IL1RAPL2: variants seen among roughly 807,000 people sequenced by gnomAD.
IL1RAPL2 encodes the protein X-linked interleukin-1 receptor accessory protein-like 2.
A neutral mutation model predicts 44.1 loss-of-function variants in IL1RAPL2; 3 were observed. That is an observed-to-expected ratio of 0.07 (90% confidence interval 0.03 to 0.18). The LOEUF is 0.18. Ranked by LOEUF, IL1RAPL2 falls within the 10% of genes least tolerant of loss-of-function variation. The pLI, the probability that IL1RAPL2 is intolerant of heterozygous loss-of-function variation, is 1.00. For missense variants in IL1RAPL2, 391 were observed against 496.4 expected (o/e 0.79, Z 2.02); for synonymous variants, 181 against 178.8 (o/e 1.01, Z -0.10).
intron 10 of IL1RAPL2, among the ~76,000 whole-genome samples, chrX:105,759,172 C>T (rs1190853943): frequency 8.9e-6 from 1 of 112,193 alleles, no homozygotes; most frequent in African/African-American, 3.2e-5. Context: ...GTTATTGAAT[C>T]AGGCTGAGGG....
Position 104,658,957 on chromosome X carries a change from T to C in IL1RAPL2, c.44T>C (p.Val15Ala), listed in dbSNP as rs1203023158. Residue 15 changes from valine (V) to alanine (A), a missense_variant, in exon 2 of 11, where the codon GTC (valine) becomes GCC (alanine). By Grantham distance (64) the Val-to-Ala change is moderately conservative. Transcript: ENST00000372582. ...TTGGCCCTTGTGGTCTGTTCTGTAG[T>C]CAGCACAAATCTGAAGATGGTGTCA... ...FLLALVVCSV[V>A]STNLKMVSKR... The C allele has an allele frequency of 8.3e-7, 1 of 1,204,782 alleles. No homozygotes were observed. Among genetic ancestry groups the C allele is most frequent in the African/African-American group, 1.8e-5 (1 of 57,065 alleles).
chrX:105,169,462 T>C (rs1339527731), intron 2 of IL1RAPL2, among the ~76,000 whole-genome samples: 3 of 105,539 alleles, frequency 2.8e-5, no homozygotes, highest in African/African-American at 1.1e-4. Context: ...TAAAGCACTT[T>C]TGGTTGAGAA....
chrX:105,708,760 C>T lies in IL1RAPL2; in HGVS notation c.773-8607C>T, dbSNP rs890882059. On this transcript the variant is annotated intron_variant, in intron 6 of 10. Coordinates refer to ENST00000372582, the MANE Select transcript of IL1RAPL2 (RefSeq NM_017416.2). ...TAACTTTTGAAACAAATGAAAATAA[C>T]AACTTTAAATATGAATTTAATATGG... Among the ~76,000 whole-genome samples, 5 of 111,619 alleles carry T rather than the reference C, an allele frequency of 4.5e-5. No individual in the cohort carries two copies. The East Asian group carries it at 1.4e-3, about 32-fold the overall frequency.
At chrX:105,471,965 C>G (rs2036168387) in intron 5 of IL1RAPL2, among the ~76,000 whole-genome samples, 1 of 110,194 alleles carries the variant, frequency 9.1e-6, no homozygotes, top group Non-Finnish European at 1.9e-5. Context: ...AAGCTCAGAG[C>G]AGTTTTCACA....
chrX:104,914,688 G>T (rs948028099), intron 2 of IL1RAPL2, among the ~76,000 whole-genome samples: 3 of 110,510 alleles, frequency 2.7e-5, no homozygotes, highest in Non-Finnish European at 3.8e-5. Flanking sequence ...TTAGCATTAG[G>T]TATATCTCCT....
chrX:104,664,214 G>A (rs190959290), intron 2 of IL1RAPL2, among the ~76,000 whole-genome samples: 1 of 111,201 alleles, frequency 9.0e-6, no homozygotes, highest in Non-Finnish European at 1.9e-5. Flanking sequence ...TGTAGTGGTC[G>A]TTCCGCAATG....
At chrX:105,649,571 T>C (rs964788062) in intron 6 of IL1RAPL2, among the ~76,000 whole-genome samples, 2 of 111,768 alleles carry the variant, frequency 1.8e-5, no homozygotes, top group African/African-American at 6.5e-5. Context: ...TGAAAACATA[T>C]TGGCCAGGCT....
intron 9 of IL1RAPL2, among the ~76,000 whole-genome samples, chrX:105,751,562 G>T (rs542409225): frequency 9.0e-6 from 1 of 111,409 alleles, no homozygotes; most frequent in African/African-American, 3.3e-5. Flanking sequence ...TGGTTTCAAA[G>T]GTGTCCAGTA....
intron 1 of IL1RAPL2, among the ~76,000 whole-genome samples, chrX:104,576,189 C>G (rs1041164753): frequency 9.0e-6 from 1 of 111,016 alleles, no homozygotes; most frequent in Non-Finnish European, 1.9e-5. Context: ...AACTGAGACA[C>G]GAGTTCAGTA....
chrX:105,458,347 A>G (rs1407788652), intron 5 of IL1RAPL2, among the ~76,000 whole-genome samples: 3 of 111,601 alleles, frequency 2.7e-5, no homozygotes, highest in Non-Finnish European at 5.7e-5. Flanking sequence ...CTATTCTTTC[A>G]GTGCTATATC....
chrX:104,760,299 G>A (rs984631257), intron 2 of IL1RAPL2, among the ~76,000 whole-genome samples: 35 of 112,046 alleles, frequency 3.1e-4, no homozygotes, highest in African/African-American at 1.1e-3. Flanking sequence ...TATATACCCA[G>A]CAGTGGGATT....
chrX:105,583,556 A>G (rs1452585655), intron 6 of IL1RAPL2, among the ~76,000 whole-genome samples: 2 of 112,434 alleles, frequency 1.8e-5, no homozygotes, highest in Non-Finnish European at 3.8e-5. Flanking sequence ...ATTTATTAGC[A>G]TAAAGTTGTT....
chrX:104,575,723 G>A (rs1928232333), intron 1 of IL1RAPL2, among the ~76,000 whole-genome samples: 1 of 111,475 alleles, frequency 9.0e-6, no homozygotes, highest in South Asian at 3.8e-4. Context: ...AAATACAGCT[G>A]ACTTTTTCCC....
At chrX:105,136,352 C>T (rs1310811154) in intron 2 of IL1RAPL2, among the ~76,000 whole-genome samples, 1 of 111,839 alleles carries the variant, frequency 8.9e-6, no homozygotes, top group Non-Finnish European at 1.9e-5. Context: ...CCTTTATTTC[C>T]TGTTCCACCT....
At chrX:105,659,428 C>T (rs886203069) in intron 6 of IL1RAPL2, among the ~76,000 whole-genome samples, 4 of 110,355 alleles carry the variant, frequency 3.6e-5, no homozygotes, top group African/African-American at 9.9e-5. Flanking sequence ...GAGGCCGAGG[C>T]GGGCGGATCA....
chrX:104,602,667 T>G (rs753739143), intron 1 of IL1RAPL2, among the ~76,000 whole-genome samples: 2 of 111,073 alleles, frequency 1.8e-5, no homozygotes, highest in Admixed American at 1.9e-4. Flanking sequence ...CCGCCATTGC[T>G]GAGGCTTGAG....
chrX:105,288,286 G>C (rs1396238093), intron 5 of IL1RAPL2, among the ~76,000 whole-genome samples: 1 of 110,132 alleles, frequency 9.1e-6, no homozygotes, highest in African/African-American at 3.3e-5. Flanking sequence ...AATCTTTGCA[G>C]AACTATTCAT....
At chrX:104,791,211 C>T (rs1347047163) in intron 2 of IL1RAPL2, among the ~76,000 whole-genome samples, 1 of 103,836 alleles carries the variant, frequency 9.6e-6, no homozygotes, top group East Asian at 3.1e-4. Context: ...CTTCCCTTCC[C>T]TCTCCCTCCT....
intron 1 of IL1RAPL2, among the ~76,000 whole-genome samples, chrX:104,646,445 G>C (rs1930042309): frequency 9.0e-6 from 1 of 110,780 alleles, no homozygotes; most frequent in African/African-American, 3.3e-5. Context: ...TTTCTACATA[G>C]AGAATGTTGT....
Sources: allele counts gnomAD v4.1 joint callset (sites outside exome capture counted in the v4.1 genomes callset), GRCh38; gene constraint gnomAD v4.1.1; transcripts MANE v1.5; gene names NCBI Gene and HGNC (gene_info 2026-07-23, HGNC 2026-07-21).